Variants in ERBB4 observed in about 807,000 individuals in gnomAD.
The protein encoded by ERBB4 is erb-b2 receptor tyrosine kinase 4.
Under a neutral mutation model 158.0 loss-of-function variants are expected in ERBB4, and 42 were observed. The observed-to-expected ratio is 0.27, with a 90% CI of 0.21 to 0.34. The LOEUF (loss-of-function observed/expected upper bound fraction) is 0.34, where lower values mean the gene tolerates loss of function less well. Among genes scored for constraint, ERBB4 ranks in the 10% least tolerant of loss-of-function variants. The probability of loss-of-function intolerance (pLI) is 1.00; values close to 1 mark genes in which losing one functional copy is unlikely to be tolerated. For missense variants in ERBB4, 1,333 were observed against 1,624.1 expected (o/e 0.82, Z 3.08); for synonymous variants, 583 against 558.7 (o/e 1.04, Z -0.61).
chr2:212,525,514 C>A (rs1031343779), intron 1 of ERBB4, among the ~76,000 whole-genome samples: 5 of 151,948 alleles, frequency 3.3e-5, no homozygotes, highest in Non-Finnish European at 1.5e-5. Context: ...AATAACATTA[C>A]AACTCTGAAT....
intron 20 of ERBB4, among the ~76,000 whole-genome samples, chr2:211,480,705 C>T (rs1363428381): frequency 6.6e-6 from 1 of 152,110 alleles, no homozygotes. Context: ...CCCCTATCTA[C>T]CTGGTGAAAT....
chr2:211,600,765 T>C (rs2068774842), intron 19 of ERBB4, among the ~76,000 whole-genome samples: 1 of 152,168 alleles, frequency 6.6e-6, no homozygotes, highest in African/African-American at 2.4e-5. Context: ...ACTTTTTGTT[T>C]CTTTTTGGTT....
chr2:212,157,493 G>A (rs1008735975), intron 1 of ERBB4, among the ~76,000 whole-genome samples: 2 of 151,996 alleles, frequency 1.3e-5, no homozygotes, highest in Non-Finnish European at 2.9e-5. Context: ...CTTTTTGAAA[G>A]CATTTTATAT....
At chr2:212,009,404 C>G (rs575863673) in intron 2 of ERBB4, among the ~76,000 whole-genome samples, 1 of 151,318 alleles carries the variant, frequency 6.6e-6, no homozygotes, top group African/African-American at 2.4e-5. Flanking sequence ...CCAAGGAACA[C>G]TTGGGGGCTA....
intron 3 of ERBB4, among the ~76,000 whole-genome samples, chr2:211,826,238 T>G (rs1409778124): frequency 6.6e-6 from 1 of 151,848 alleles, no homozygotes; most frequent in Non-Finnish European, 1.5e-5. Flanking sequence ...AATCCTTCAT[T>G]GCTTTTTTTA....
intron 1 of ERBB4, among the ~76,000 whole-genome samples, chr2:212,178,646 G>A (rs2081755421): frequency 6.6e-6 from 1 of 151,502 alleles, no homozygotes. Context: ...TAAAGATAAA[G>A]TAAGACTTTA....
intron 4 of ERBB4, chr2:211,778,511 T>A (rs2075949274): frequency 6.6e-6 from 1 of 152,198 alleles, no homozygotes; most frequent in Non-Finnish European, 1.5e-5. Context: ...AACTGGCTAG[T>A]CCCTCTGATA....
At chr2:211,717,916 T>A (rs1473420675) in intron 7 of ERBB4, among the ~76,000 whole-genome samples, 1 of 152,152 alleles carries the variant, frequency 6.6e-6, no homozygotes, top group Non-Finnish European at 1.5e-5. Flanking sequence ...GGAAGATATA[T>A]ATATTTTTTG....
intron 2 of ERBB4, among the ~76,000 whole-genome samples, chr2:212,006,029 A>G (rs1327366687): frequency 2.0e-5 from 3 of 152,196 alleles, no homozygotes; most frequent in Non-Finnish European, 4.4e-5. Context: ...AAAAGAAAGA[A>G]CAAAATTGCC....
At chr2:212,191,886 C>T (rs892177610) in intron 1 of ERBB4, among the ~76,000 whole-genome samples, 8 of 141,220 alleles carry the variant, frequency 5.7e-5, no homozygotes, top group East Asian at 3.9e-4. Context: ...ACATATGTTA[C>T]ATGTTATATA....
chr2:212,355,313 T>C (rs955130613), intron 1 of ERBB4, among the ~76,000 whole-genome samples: 6 of 152,096 alleles, frequency 3.9e-5, no homozygotes, highest in Admixed American at 3.9e-4. Flanking sequence ...TATTGGGCTA[T>C]AAGCAAACTA....
At chr2:212,400,008 T>C (rs1286445094) in intron 1 of ERBB4, among the ~76,000 whole-genome samples, 1 of 152,116 alleles carries the variant, frequency 6.6e-6, no homozygotes, top group Non-Finnish European at 1.5e-5. Flanking sequence ...AATGATATGT[T>C]AGGCAGGCTG....
rs1016789387 is a variant in ERBB4 at position 211,638,835 on chromosome 2, C to A, written c.1947-8241G>T. On this transcript the variant is annotated intron_variant, in intron 16 of 27. Coordinates refer to ENST00000342788, the MANE Select transcript of ERBB4 (RefSeq NM_005235.3). ...AAATTTCAAGTAGTTTCAGAGCAAA[C>A]CTTCCTTCTCTTTACAGGCAACATT... Among the ~76,000 whole-genome samples, 6 of 152,154 alleles carry A rather than the reference C, an allele frequency of 3.9e-5. No individual in the cohort carries two copies. The South Asian group carries it at 6.2e-4, about 16-fold the overall frequency.
intron 20 of ERBB4, among the ~76,000 whole-genome samples, chr2:211,506,105 T>C (rs1455091181): frequency 6.6e-6 from 1 of 151,816 alleles, no homozygotes; most frequent in African/African-American, 2.4e-5. Context: ...ATCATGTAAG[T>C]GGAAAACAAT....
intron 3 of ERBB4, among the ~76,000 whole-genome samples, chr2:211,933,235 A>G (rs1259279079): frequency 6.6e-5 from 10 of 152,130 alleles, no homozygotes; most frequent in Admixed American, 6.6e-4. Context: ...AGTACGTGAA[A>G]TGACAGTGTA....
intron 2 of ERBB4, among the ~76,000 whole-genome samples, chr2:211,982,784 A>G (rs934278803): frequency 9.2e-5 from 14 of 152,208 alleles, no homozygotes; most frequent in African/African-American, 3.4e-4. Flanking sequence ...TCCTATTTAT[A>G]AAAATTAAAA....
rs1472071957 is a variant in ERBB4 at position 211,380,289 on chromosome 2, T to C, written c.*3326A>G. The C allele has an allele frequency of 8.6e-6, 2 of 232,294 alleles. No individual in the cohort carries two copies. The highest frequency in any genetic ancestry group is 4.4e-5 in the African/African-American group (2 of 45,288). The allele number at this position is 232,294 out of a possible 1,614,324, so 14.4% of individuals were successfully genotyped here. On this transcript the variant is annotated 3_prime_UTR_variant, in exon 28 of 28. Transcript: ENST00000342788. ...ATGCTTTGTGGTTCTGGATCTATCC[T>C]AGATCAGAGGCCATCTTTCCTCACC... is the stretch of plus-strand genomic sequence containing the variant.
At chr2:211,791,055 A>C (rs2076269329) in intron 3 of ERBB4, among the ~76,000 whole-genome samples, 2 of 151,878 alleles carry the variant, frequency 1.3e-5, no homozygotes, top group South Asian at 4.1e-4. Context: ...TTTTTGTGAG[A>C]AAATATACTC....
At chr2:211,466,882 TCTC>T (rs1346228675) in intron 20 of ERBB4, among the ~76,000 whole-genome samples, 2 of 152,084 alleles carry the variant, frequency 1.3e-5, no homozygotes, top group African/African-American at 4.8e-5. Context: ...CCTCTCTCTC[TCTC>T]TTTTCTCTCT....
Sources: gnomAD v4.1 joint callset for allele counts (sites outside exome capture counted in the v4.1 genomes callset) on GRCh38, gnomAD v4.1.1 for gene constraint, MANE v1.5 for transcripts, NCBI Gene and HGNC (gene_info 2026-07-23, HGNC 2026-07-21) for gene names.